CRLF1: variants seen among roughly 807,000 people sequenced by gnomAD.
CRLF1 encodes cytokine receptor like factor 1.
A neutral mutation model predicts 48.9 loss-of-function variants in CRLF1; 36 were observed. The ratio of observed to expected loss-of-function variants is 0.74; its 90% CI spans 0.56 to 0.97. The LOEUF is 0.97. Among genes scored for constraint, CRLF1 ranks in the 50% least tolerant of loss-of-function variants. The pLI is 0.00. For synonymous variants in CRLF1, 256 were observed against 253.4 expected, an observed-to-expected ratio of 1.01 and a Z score of -0.10; for missense variants, 534 against 575.1, an observed-to-expected ratio of 0.93 and a Z score of 0.73.
intron 1 of CRLF1, among the ~76,000 whole-genome samples, chr19:18,600,920 C>T (rs1976212929): frequency 6.6e-6 from 1 of 151,978 alleles, no homozygotes; most frequent in African/African-American, 2.4e-5. Flanking sequence ...CCTCCCTCAT[C>T]TCAGCTCCCA....
At chr19:18,594,004 C>A in intron 8 of CRLF1, 61 bp downstream of exon 8, 1 of 1,536,932 alleles carries the variant, frequency 6.5e-7, no homozygotes, top group Non-Finnish European at 8.8e-7. Context: ...ACAAGACCTG[C>A]AGCCACCGGA....
intron 3 of CRLF1, 78 bp from the exon 4 acceptor site, chr19:18,598,679 C>T (rs913137183): frequency 6.2e-7 from 1 of 1,613,464 alleles, no homozygotes; most frequent in Admixed American, 1.7e-5. Flanking sequence ...CCTCAGGGTG[C>T]AGACAACACA....
At chr19:18,598,931 G>C (rs1976182059) in intron 2 of CRLF1, 30 bp from the exon 3 acceptor site, 2 of 1,612,614 alleles carry the variant, frequency 1.2e-6, no homozygotes, top group Non-Finnish European at 1.7e-6. Context: ...CAGGAAGCAG[G>C]CTGAGGGTCT....
At chr19:18,593,653 C>T (rs1976086376) in intron 8 of CRLF1, 74 bp from the exon 9 acceptor site, 1 of 1,557,222 alleles carries the variant, frequency 6.4e-7, no homozygotes, top group South Asian at 1.2e-5. Context: ...CTGAAGGAGG[C>T]TTCATTCGTG....
Position 18,594,052 on chromosome 19 carries a change from A to T in CRLF1, c.1255+13T>A. On this transcript the variant is annotated intron_variant, in intron 8 of 8. Coordinates refer to ENST00000392386, the MANE Select transcript of CRLF1 (RefSeq NM_004750.5). ...CTTGCTCCCTCCCGCCCACCCATTC[A>T]GGCCCACCTTACCTCTCGCCGTGCC... 1 of 749,492 alleles carries T rather than the reference A, an allele frequency of 1.3e-6. No individual in the cohort carries two copies. Among genetic ancestry groups the T allele is most frequent in the Non-Finnish European group, 1.7e-6 (1 of 576,570 alleles). The allele number at this position is 749,492 out of a possible 1,614,324, so 46.4% of individuals were successfully genotyped here. A position where few individuals can be genotyped will look rare whatever the true frequency, so the allele number is the denominator to read the frequency against.
chr19:18,595,235 C>T (rs922891878), intron 6 of CRLF1, among the ~76,000 whole-genome samples: 5 of 152,234 alleles, frequency 3.3e-5, no homozygotes, highest in Admixed American at 6.5e-5. Context: ...TCCCCAGCCT[C>T]CCCTGCGGAC....
Position 18,606,502 on chromosome 19 carries a change from G to C in CRLF1, c.115+40C>G. 2 of 1,136,738 alleles carry C rather than the reference G, an allele frequency of 1.8e-6. No individual in the cohort carries two copies. The highest frequency in any genetic ancestry group is 2.2e-6 in the Non-Finnish European group (2 of 927,022). 70.4% of individuals were successfully genotyped at this position (1,136,738 alleles called of 1,614,324 possible). A position where few individuals can be genotyped will look rare whatever the true frequency, so the allele number is the denominator to read the frequency against. On this transcript the variant is annotated intron_variant, in intron 1 of 8. Transcript: ENST00000392386. The surrounding 1 kb of genome is among the most constrained non-coding windows in gnomAD (Gnocchi z 4.8). ...GCTGCCCCCGGGGCGCCCGCCCTCT[G>C]CTCTGGCAGGGGGGAAGGAGTGGGG...
chr19:18,594,176 C>T, intron 7 of CRLF1, 69 bp from the exon 8 acceptor site: 2 of 1,599,780 alleles, frequency 1.3e-6, no homozygotes, highest in South Asian at 1.1e-5. Flanking sequence ...GCTGTCTTCC[C>T]CCTCCCCTGT....
At position 18,606,394 on chromosome 19, in the gene CRLF1, G is replaced by T; in HGVS notation, c.115+148C>A. 2 of 522,218 alleles carry T rather than the reference G, an allele frequency of 3.8e-6. No homozygotes were observed. The highest frequency in any genetic ancestry group is 5.0e-6 in the Non-Finnish European group (2 of 396,388). 32.3% of individuals were successfully genotyped at this position (522,218 alleles called of 1,614,324 possible). On this transcript the variant is annotated intron_variant, in intron 1 of 8. Transcript: ENST00000392386. This position sits in a 1 kb window ranked among gnomAD's most constrained non-coding sequence, Gnocchi z 4.8. ...CTGCGGCGCCGTGTGCCCCGCAGGT[G>T]AGGGCGCCCCGAGGGCTGCGCCGGG...
In CRLF1 at chr19:18,594,368, C is replaced by T. The variant is rs1342184420; in HGVS notation, c.1091G>A (p.Arg364Gln). 1.2e-6 allele frequency: 2 copies of T among 1,608,320 alleles called. No homozygotes were observed. Among genetic ancestry groups the T allele is most frequent in the African/African-American group, 2.7e-5 (2 of 74,520 alleles). ...GCCCAGGAACTGCTTGAGCTCGCGC[C>T]GCACCGGCCCCGAGCTCGGCTCTCC... ...RGGEPSSGPV[R>Q]RELKQFLGWL... is the part of the protein sequence containing the mutation. Residue 364 changes from arginine (R) to glutamine (Q), a missense_variant, in exon 7 of 9, where the codon CGG becomes CAG. Arg to Gln is a conservative substitution (Grantham distance 43, BLOSUM62 1). Coordinates refer to ENST00000392386, the MANE Select transcript of CRLF1 (RefSeq NM_004750.5).
chr19:18,604,056 C>G (rs1340255100), intron 1 of CRLF1, among the ~76,000 whole-genome samples: 1 of 152,214 alleles, frequency 6.6e-6, no homozygotes, highest in East Asian at 1.9e-4. Flanking sequence ...GGAGGCACGG[C>G]CAGGCCTGCC....
chr19:18,593,629 G>A (rs750126679), intron 8 of CRLF1, 50 bp from the exon 9 acceptor site: 8 of 1,571,856 alleles, frequency 5.1e-6, no homozygotes, highest in African/African-American at 4.1e-5. Context: ...GGAGAGGGCC[G>A]CACCACAGAG....
Position 18,594,243 on chromosome 19 carries a change from C to G in CRLF1, c.1212+4G>C. The G allele has an allele frequency of 1.2e-6, 2 of 1,612,730 alleles. No individual in the cohort carries two copies. Among genetic ancestry groups the G allele is most frequent in the Non-Finnish European group, 1.7e-6 (2 of 1,179,922 alleles). On this transcript the variant is annotated splice_donor_region_variant and intron_variant, in intron 7 of 8. Transcript: ENST00000392386. ...CCCCACGCCCGAGGGTCCCTCCTTCCTACCTGGTTGCGGGTCTTGTGCGAC... is the reference window on the plus strand; with the variant it reads ...CCCCACGCCCGAGGGTCCCTCCTTCGTACCTGGTTGCGGGTCTTGTGCGAC...
At chr19:18,597,510 A>G (rs1238659908) in intron 4 of CRLF1, among the ~76,000 whole-genome samples, 1 of 136,550 alleles carries the variant, frequency 7.3e-6, no homozygotes, top group Non-Finnish European at 1.5e-5. Context: ...GCTCACTGCA[A>G]GCTCCGCCTC....
chr19:18,600,182 G>A (rs1425497801), intron 1 of CRLF1, among the ~76,000 whole-genome samples: 2 of 152,126 alleles, frequency 1.3e-5, no homozygotes, highest in Admixed American at 6.5e-5. Flanking sequence ...TTAGCACATC[G>A]TTATGACAAA....
rs150126909 is a variant in CRLF1, at chr19:18,603,734, T to C, written c.115+2808A>G. Among the ~76,000 whole-genome samples the C allele has an allele frequency of 2.3e-3, 350 of 152,216 alleles. 1 individual carries two copies. The highest frequency in any genetic ancestry group is 7.5e-3 in the African/African-American group (310 of 41,536). ...GACACGGTTCTTGGGCCGGCCCTGA[T>C]GATTTTCCGGGGCAAACTTGGCTCG... On this transcript the variant is annotated intron_variant, in intron 1 of 8. Coordinates refer to ENST00000392386, the MANE Select transcript of CRLF1 (RefSeq NM_004750.5).
chr19:18,606,114 C>T lies in CRLF1; in HGVS notation c.115+428G>A, dbSNP rs1976291305. On this transcript the variant is annotated intron_variant, in intron 1 of 8. Transcript: ENST00000392386. This position sits in a 1 kb window ranked among gnomAD's most constrained non-coding sequence, Gnocchi z 4.8. ...CCCCGCCCTCCCCGTGGGGCTCATCCCTCCGCCTGGGGGGGCCCGCTGGGG... is the reference window on the plus strand; with the variant it reads ...CCCCGCCCTCCCCGTGGGGCTCATCTCTCCGCCTGGGGGGGCCCGCTGGGG... 6.6e-6 allele frequency among the ~76,000 whole-genome samples: 1 copy of T among 151,526 alleles called. No individual in the cohort carries two copies. The highest frequency in any genetic ancestry group is 1.5e-5 in the Non-Finnish European group (1 of 67,766).
chr19:18,594,951 C>T (rs1006105028), intron 6 of CRLF1, among the ~76,000 whole-genome samples: 28 of 152,166 alleles, frequency 1.8e-4, no homozygotes, highest in Admixed American at 7.2e-4. Context: ...ACAAAGAGAT[C>T]GAGACAGAGA....
rs1025609312 is a variant in CRLF1, at chr19:18,598,918, G to T, written c.398-17C>A. On this transcript the variant is annotated splice_polypyrimidine_tract_variant and intron_variant, in intron 2 of 8. Transcript: ENST00000392386. ...CTGGGGGCACTGGGAGAAGGGGAGG[G>T]TGCAGGAAGCAGGCTGAGGGTCTGG... 2 of 1,613,468 alleles carry T rather than the reference G, an allele frequency of 1.2e-6. No individual in the cohort carries two copies. Among genetic ancestry groups the T allele is most frequent in the African/African-American group, 1.3e-5 (1 of 74,986 alleles).
Sources: allele counts gnomAD v4.1 joint callset (sites outside exome capture counted in the v4.1 genomes callset), GRCh38; gene constraint gnomAD v4.1.1; non-coding constraint Gnocchi (gnomAD v3.1); transcripts MANE v1.5; gene names NCBI Gene and HGNC (gene_info 2026-07-23, HGNC 2026-07-21).